PDE1A: variants seen among roughly 807,000 people sequenced by gnomAD.
PDE1A encodes the protein dual specificity calcium/calmodulin-dependent 3',5'-cyclic nucleotide phosphodiesterase 1A.
Under a neutral mutation model 61.7 loss-of-function variants are expected in PDE1A, and 35 were observed. The observed-to-expected ratio is 0.57, with a 90% confidence interval of 0.43 to 0.75. The LOEUF is 0.75. Ranked by LOEUF, PDE1A falls within the 30% of genes least tolerant of loss-of-function variation. The pLI is 0.00. For missense variants in PDE1A, 597 were observed against 630.6 expected (o/e 0.95, Z 0.57); for synonymous variants, 232 against 213.2 (o/e 1.09, Z -0.77).
chr2:182,510,983 A>G (rs1418449227), intron 2 of PDE1A, among the ~76,000 whole-genome samples: 1 of 152,188 alleles, frequency 6.6e-6, no homozygotes, highest in Non-Finnish European at 1.5e-5. Context: ...AGAAAAGTAC[A>G]TGAAAATATA....
the PDE1A span, among the ~76,000 whole-genome samples, chr2:182,645,022 G>C: frequency 7.8e-6 from 1 of 128,344 alleles, no homozygotes; most frequent in East Asian, 2.3e-4. Flanking sequence ...GTCTCGCTCT[G>C]TTGCCCAGGC....
At chr2:182,517,903 C>T (rs1031312481) in intron 2 of PDE1A, among the ~76,000 whole-genome samples, 2 of 152,124 alleles carry the variant, frequency 1.3e-5, no homozygotes, top group African/African-American at 4.8e-5. Context: ...AGAACAAGAG[C>T]AAACCTGGCT....
chr2:182,565,471 G>A, the PDE1A span, among the ~76,000 whole-genome samples: 5 of 152,092 alleles, frequency 3.3e-5, no homozygotes, highest in African/African-American at 7.2e-5. Context: ...CTACTGGGGG[G>A]TGCCTCCCAG....
the PDE1A span, among the ~76,000 whole-genome samples, chr2:182,714,287 C>A: frequency 1.3e-5 from 2 of 152,134 alleles, no homozygotes; most frequent in Non-Finnish European, 1.5e-5. Flanking sequence ...AGGTTTTAAT[C>A]CTTGGTCCAC....
intron 1 of PDE1A, among the ~76,000 whole-genome samples, chr2:182,350,010 G>C (rs971369439): frequency 2.6e-5 from 4 of 152,044 alleles, no homozygotes; most frequent in African/African-American, 9.7e-5. Flanking sequence ...GATTAAGAAA[G>C]AAAATATTAT....
At chr2:182,239,216 A>G (rs1038216060) in intron 3 of PDE1A, among the ~76,000 whole-genome samples, 1 of 152,244 alleles carries the variant, frequency 6.6e-6, no homozygotes, top group Non-Finnish European at 1.5e-5. Context: ...GCCTAGAGAT[A>G]TCAGAAGATG....
chr2:182,458,433 C>T (rs1298540876), intron 2 of PDE1A, among the ~76,000 whole-genome samples: 1 of 151,980 alleles, frequency 6.6e-6, no homozygotes, highest in African/African-American at 2.4e-5. Context: ...TCCATTCTAA[C>T]TCAGGATGGG....
the PDE1A span, among the ~76,000 whole-genome samples, chr2:182,645,456 T>C: frequency 6.6e-6 from 1 of 152,230 alleles, no homozygotes; most frequent in Admixed American, 6.6e-5. Context: ...ACTAAGCCAT[T>C]CAAGCGTGGT....
At position 182,386,127 on chromosome 2, in the gene PDE1A, G is replaced by C. The variant is rs188380871; in HGVS notation, c.53+40451C>G. Among the ~76,000 whole-genome samples, 702 of 152,288 alleles carry C rather than the reference G, an allele frequency of 4.6e-3. 3 individuals are homozygous for C. The highest frequency in any genetic ancestry group is 8.0e-3 in the Non-Finnish European group (541 of 68,020). ...CTCCTGAGGTGCCGGGATTGCGGAC[G>C]GAGTCTCGTTCACTCAGTGCTCAAT... On this transcript the variant is annotated intron_variant, in intron 1 of 13. Coordinates refer to ENST00000351439, the Ensembl canonical transcript of PDE1A.
At chr2:182,354,724 G>A (rs1177923978) in intron 1 of PDE1A, among the ~76,000 whole-genome samples, 2 of 152,038 alleles carry the variant, frequency 1.3e-5, no homozygotes, top group African/African-American at 4.8e-5. Flanking sequence ...AATATTTAAA[G>A]GTGGACATTT....
At chr2:182,475,124 A>C (rs980323156) in intron 2 of PDE1A, among the ~76,000 whole-genome samples, 2 of 151,938 alleles carry the variant, frequency 1.3e-5, no homozygotes, top group Admixed American at 1.3e-4. Context: ...GTAAAAGCTT[A>C]GACACTTTCA....
At chr2:182,265,717 A>G (rs1267856791) in intron 1 of PDE1A, among the ~76,000 whole-genome samples, 1 of 152,198 alleles carries the variant, frequency 6.6e-6, no homozygotes, top group African/African-American at 2.4e-5. Flanking sequence ...TCTATGCATT[A>G]AATTGTAAGC....
intron 1 of PDE1A, among the ~76,000 whole-genome samples, chr2:182,328,369 G>A (rs567108675): frequency 6.6e-6 from 1 of 152,178 alleles, no homozygotes; most frequent in African/African-American, 2.4e-5. Context: ...TTTGGGTTTT[G>A]CCAGAAGAAT....
intron 1 of PDE1A, among the ~76,000 whole-genome samples, chr2:182,405,711 A>G (rs1490878387): frequency 6.6e-6 from 1 of 152,186 alleles, no homozygotes; most frequent in Non-Finnish European, 1.5e-5. Flanking sequence ...CCTTCTGCAT[A>G]GCATAGTAAC....
the PDE1A span, among the ~76,000 whole-genome samples, chr2:182,537,533 G>C: frequency 6.6e-6 from 1 of 152,088 alleles, no homozygotes; most frequent in African/African-American, 2.4e-5. Context: ...AGCATTAGGA[G>C]AAATACCTAA....
At chr2:182,156,984 T>A (rs180933175) in intron 13 of PDE1A, among the ~76,000 whole-genome samples, 2,846 of 150,122 alleles carry the variant, frequency 0.019, 37 homozygotes, top group Middle Eastern at 0.045. Flanking sequence ...TTTTTATTTT[T>A]TTATTATTAT....
chr2:182,567,874 C>T, the PDE1A span, among the ~76,000 whole-genome samples: 1 of 149,960 alleles, frequency 6.7e-6, no homozygotes, highest in African/African-American at 2.5e-5. Context: ...CTCACTGCAA[C>T]CTCTGCCTCC....
chr2:182,357,390 T>C (rs932342604), intron 1 of PDE1A, among the ~76,000 whole-genome samples: 2 of 152,116 alleles, frequency 1.3e-5, no homozygotes, highest in Non-Finnish European at 2.9e-5. Context: ...TTCAACCATC[T>C]CTGAAATCAG....
At chr2:182,274,117 T>A (rs1244165488) in intron 1 of PDE1A, among the ~76,000 whole-genome samples, 2 of 152,036 alleles carry the variant, frequency 1.3e-5, no homozygotes, top group African/African-American at 4.8e-5. Flanking sequence ...AAGACACTAA[T>A]CCCATTCAGG....
Sources: allele counts gnomAD v4.1 joint callset (sites outside exome capture counted in the v4.1 genomes callset), GRCh38; gene constraint gnomAD v4.1.1; transcripts MANE v1.5; gene names NCBI Gene and HGNC (gene_info 2026-07-23, HGNC 2026-07-21).